The following NKAIN2 variants were observed in gnomAD, a reference collection of about 807,000 sequenced individuals.
NKAIN2 encodes sodium/potassium-transporting ATPase subunit beta-1-interacting protein 2.
In NKAIN2, 14 loss-of-function variants were observed where a neutral mutation model predicts 32.6. That is an observed-to-expected ratio of 0.43 (90% confidence interval 0.28 to 0.67). The LOEUF (loss-of-function observed/expected upper bound fraction) is 0.67, where lower values mean the gene tolerates loss of function less well. Ranked by LOEUF, NKAIN2 falls within the 30% of genes least tolerant of loss-of-function variation. NKAIN2 has a pLI of 0.17. For synonymous variants in NKAIN2, 80 were observed against 87.2 expected (o/e 0.92, Z 0.46); for missense variants, 198 against 258.3 (o/e 0.77, Z 1.60).
chr6:124,384,645 G>A lies in NKAIN2; in HGVS notation c.273+29298G>A, dbSNP rs546093401. Among the ~76,000 whole-genome samples the A allele has an allele frequency of 3.5e-4, 51 of 145,618 alleles. 1 individual carries two copies. In the South Asian group the frequency reaches 0.01, roughly 29 times the overall value. ...GCACACTTTCTGTTTTTTTGAGACA[G>A]GGTCTTTATTTGTCACCTATGCTGG... On this transcript the variant is annotated intron_variant, in intron 3 of 6. Coordinates refer to ENST00000368417, the MANE Select transcript of NKAIN2 (RefSeq NM_001040214.3).
chr6:124,823,771 GTACCGTAC>G lies in NKAIN2; in HGVS notation c.*543_*550del. 6.3e-6 allele frequency: 1 copy of G among 157,670 alleles called. No homozygotes were observed. Among genetic ancestry groups the G allele is most frequent in the Non-Finnish European group, 1.4e-5 (1 of 70,974 alleles). The allele number at this position is 157,670 out of a possible 1,614,324, so 9.8% of individuals were successfully genotyped here. A position where few individuals can be genotyped will look rare whatever the true frequency, so the allele number is the denominator to read the frequency against. On this transcript the variant is annotated 3_prime_UTR_variant, in exon 7 of 7. Coordinates refer to ENST00000368417, the MANE Select transcript of NKAIN2 (RefSeq NM_001040214.3). ...TGGCAGATTGTTTGCCCTAAAGGCTGTACCGTACATACTTGCCTTAACCCACCTACATT... is the reference window on the plus strand; with the variant it reads ...TGGCAGATTGTTTGCCCTAAAGGCTGATACTTGCCTTAACCCACCTACATT...
intron 1 of NKAIN2, among the ~76,000 whole-genome samples, chr6:124,101,095 C>T (rs569788179): frequency 6.6e-6 from 1 of 152,052 alleles, no homozygotes; most frequent in Non-Finnish European, 1.5e-5. Flanking sequence ...ATGGTAAAGC[C>T]ATATGTATGT....
chr6:124,409,676 T>C (rs1240769728), intron 3 of NKAIN2, among the ~76,000 whole-genome samples: 21 of 152,122 alleles, frequency 1.4e-4, no homozygotes, highest in Admixed American at 1.2e-3. Context: ...GTGTCTCTGC[T>C]AGGCTTTGGT....
intron 3 of NKAIN2, among the ~76,000 whole-genome samples, chr6:124,356,656 G>T (rs1327545698): frequency 1.3e-5 from 2 of 152,064 alleles, no homozygotes; most frequent in Non-Finnish European, 2.9e-5. Flanking sequence ...AAAATAAATT[G>T]TTCAGTGGCT....
intron 1 of NKAIN2, 114 bp from the exon 2 acceptor site, chr6:124,282,891 A>G (rs780778509): frequency 9.4e-6 from 8 of 851,874 alleles, no homozygotes; most frequent in Non-Finnish European, 1.3e-5. Flanking sequence ...AATGCCAGAT[A>G]TGGTAACACA....
At chr6:123,902,041 C>G (rs996744406) in intron 1 of NKAIN2, among the ~76,000 whole-genome samples, 1 of 152,108 alleles carries the variant, frequency 6.6e-6, no homozygotes, top group African/African-American at 2.4e-5. Flanking sequence ...TAATCTGTCT[C>G]TGTAGAAGCA....
At chr6:124,062,794 A>G (rs1582561867) in intron 1 of NKAIN2, among the ~76,000 whole-genome samples, 1 of 152,176 alleles carries the variant, frequency 6.6e-6, no homozygotes, top group Admixed American at 6.5e-5. Flanking sequence ...TATCATTGGC[A>G]GTGTGTGATA....
intron 1 of NKAIN2, among the ~76,000 whole-genome samples, chr6:123,896,530 A>G (rs1392137867): frequency 6.6e-6 from 1 of 152,214 alleles, no homozygotes; most frequent in Admixed American, 6.5e-5. Flanking sequence ...ATTTGAGCAC[A>G]TGACCATTCA....
intron 1 of NKAIN2, among the ~76,000 whole-genome samples, chr6:124,157,453 G>A (rs1788050520): frequency 6.6e-6 from 1 of 152,104 alleles, no homozygotes; most frequent in African/African-American, 2.4e-5. Context: ...AATCCTATAA[G>A]AGGTAGCGCT....
intron 3 of NKAIN2, among the ~76,000 whole-genome samples, chr6:124,462,284 C>A (rs954075201): frequency 7.2e-5 from 11 of 151,878 alleles, no homozygotes; most frequent in African/African-American, 1.9e-4. Flanking sequence ...TAATAAAATT[C>A]TCAGTCTTTT....
In NKAIN2 at chr6:124,331,962, T is replaced by A. The variant is rs149651614; in HGVS notation, c.193-23305T>A. On this transcript the variant is annotated intron_variant, in intron 2 of 6. Coordinates refer to ENST00000368417, the MANE Select transcript of NKAIN2 (RefSeq NM_001040214.3). ...AAGATAGTTTTTAAACTTTTCAGCATTGAATCATATGTTTAAGCTGTGAAT... is the reference window on the plus strand; with the variant it reads ...AAGATAGTTTTTAAACTTTTCAGCAATGAATCATATGTTTAAGCTGTGAAT... Among the ~76,000 whole-genome samples the A allele has an allele frequency of 3.5e-3, 528 of 152,298 alleles. 2 individuals carry two copies. The highest frequency in any genetic ancestry group is 0.011 in the African/African-American group (444 of 41,572).
chr6:124,203,470 A>G (rs1201593225), intron 1 of NKAIN2, among the ~76,000 whole-genome samples: 1 of 151,904 alleles, frequency 6.6e-6, no homozygotes, highest in Non-Finnish European at 1.5e-5. Context: ...AGTGAAATTC[A>G]AACTATTAAT....
intron 1 of NKAIN2, among the ~76,000 whole-genome samples, chr6:124,160,764 AT>A (rs1788234386): frequency 6.6e-6 from 1 of 152,168 alleles, no homozygotes; most frequent in Admixed American, 6.6e-5. Context: ...TGTATTAAAA[AT>A]GTTTTAATTT....
chr6:124,804,388 G>A (rs1780420952), intron 5 of NKAIN2: 2 of 408,962 alleles, frequency 4.9e-6, no homozygotes. Context: ...AGCTTAAAGT[G>A]ATTTTTCAGC....
chr6:123,987,894 T>C (rs1582889722), intron 1 of NKAIN2, among the ~76,000 whole-genome samples: 2 of 152,290 alleles, frequency 1.3e-5, no homozygotes, highest in East Asian at 3.9e-4. Flanking sequence ...ATCATATTCA[T>C]AGGTGTCTTT....
intron 1 of NKAIN2, among the ~76,000 whole-genome samples, chr6:124,187,839 G>A (rs80238050): frequency 0.059 from 8,915 of 152,072 alleles, 458 homozygotes; most frequent in African/African-American, 0.12. Flanking sequence ...TTCTTGCTCT[G>A]TCAAGGACTA....
chr6:124,663,497 A>T (rs1562312637), intron 4 of NKAIN2, among the ~76,000 whole-genome samples: 1 of 152,172 alleles, frequency 6.6e-6, no homozygotes, highest in Non-Finnish European at 1.5e-5. Context: ...GCAGCTTCAC[A>T]GTTTGACAAA....
At chr6:124,326,481 G>A (rs1012987903) in intron 2 of NKAIN2, among the ~76,000 whole-genome samples, 3 of 152,048 alleles carry the variant, frequency 2.0e-5, no homozygotes, top group African/African-American at 4.8e-5. Flanking sequence ...GCCTCTCAGA[G>A]CTAAGCCCAA....
Position 124,092,191 on chromosome 6 carries a change from A to G in NKAIN2, c.55-190814A>G, listed in dbSNP as rs140536275. On this transcript the variant is annotated intron_variant, in intron 1 of 6. Transcript: ENST00000368417. Reference sequence around the variant, plus strand: ...AGTGCATCCAATGCACTGTCAATCAATGCCTGAGAAAATATTTCGGCGTTT... The same window carrying G: ...AGTGCATCCAATGCACTGTCAATCAGTGCCTGAGAAAATATTTCGGCGTTT... 9.7e-3 allele frequency among the ~76,000 whole-genome samples: 1,470 copies of G among 152,106 alleles called. 11 individuals carry two copies. Among genetic ancestry groups the G allele is most frequent in the Non-Finnish European group, 0.017 (1,131 of 67,930 alleles).
Sources: allele counts gnomAD v4.1 joint callset (sites outside exome capture counted in the v4.1 genomes callset), GRCh38; gene constraint gnomAD v4.1.1; transcripts MANE v1.5; gene names NCBI Gene and HGNC (gene_info 2026-07-23, HGNC 2026-07-21).